ZNF536: variants seen among roughly 807,000 people sequenced by gnomAD.
ZNF536 encodes zinc finger protein 536.
Under a neutral mutation model 84.5 loss-of-function variants are expected in ZNF536, and 13 were observed. The ratio of observed to expected loss-of-function variants is 0.15; its 90% CI spans 0.10 to 0.24. The LOEUF is 0.24. Ranked by LOEUF, ZNF536 falls within the 10% of genes least tolerant of loss-of-function variation. The pLI is 1.00. For synonymous variants in ZNF536, 811 were observed against 742.5 expected (o/e 1.09, Z -1.50); for missense variants, 1,536 against 1,747.5 (o/e 0.88, Z 2.16).
At chr19:30,435,322 G>A (rs891390978) in intron 1 of ZNF536, among the ~76,000 whole-genome samples, 1 of 151,004 alleles carries the variant, frequency 6.6e-6, no homozygotes, top group Non-Finnish European at 1.5e-5. Flanking sequence ...TGGTGATGGT[G>A]GTGATGATGA....
intron 1 of ZNF536, among the ~76,000 whole-genome samples, chr19:30,393,554 G>A (rs1370820707): frequency 1.3e-5 from 2 of 152,200 alleles, no homozygotes; most frequent in Non-Finnish European, 1.5e-5. Flanking sequence ...CTTAAGGAGA[G>A]GTGTCTGGAG....
chr19:30,381,693 C>T (rs894997897), intron 1 of ZNF536, among the ~76,000 whole-genome samples: 1 of 152,142 alleles, frequency 6.6e-6, no homozygotes, highest in Non-Finnish European at 1.5e-5. Flanking sequence ...TTCCAAGGGC[C>T]ATAGGAAGCC....
chr19:30,423,659 T>C (rs1000456246), intron 1 of ZNF536, among the ~76,000 whole-genome samples: 11 of 152,202 alleles, frequency 7.2e-5, no homozygotes, highest in African/African-American at 2.7e-4. Flanking sequence ...TGGAGTGAGA[T>C]AACAGGCTCT....
chr19:30,654,738 T>A (rs1034492426), intron 1 of ZNF536, among the ~76,000 whole-genome samples: 6 of 152,038 alleles, frequency 3.9e-5, no homozygotes, highest in Admixed American at 2.0e-4. Context: ...AGGAACCCAG[T>A]GCCCTGGAAG....
chr19:30,320,910 C>A (rs192983439), intron 2 of ZNF536, among the ~76,000 whole-genome samples: 14 of 152,294 alleles, frequency 9.2e-5, no homozygotes, highest in African/African-American at 3.4e-4. Flanking sequence ...AATCCATTAA[C>A]CCACAGAATA....
intron 1 of ZNF536, among the ~76,000 whole-genome samples, chr19:30,634,400 G>A (rs1027791439): frequency 1.3e-5 from 2 of 152,102 alleles, no homozygotes; most frequent in Non-Finnish European, 2.9e-5. Flanking sequence ...GGAAAGCTCT[G>A]GCTAAGAACT....
chr19:30,678,401 C>G lies in ZNF536; in HGVS notation c.170-32356C>G, dbSNP rs1011639732. ...AGGCTCCAGGAGCCGAGTGCAGAGC[C>G]GATCCAGCCCAGCCTGTGACTCTGG... On this transcript the variant is annotated intron_variant, in intron 1 of 1. Coordinates refer to the ZNF536 transcript ENST00000592773. Among the ~76,000 whole-genome samples the G allele has an allele frequency of 2.0e-5, 3 of 152,248 alleles. No individual in the cohort carries two copies. The Middle Eastern group carries it at 0.01, about 518-fold the overall frequency.
At chr19:30,494,745 A>G (rs897196823) in intron 2 of ZNF536, among the ~76,000 whole-genome samples, 2 of 152,132 alleles carry the variant, frequency 1.3e-5, no homozygotes, top group Admixed American at 1.3e-4. Context: ...CAGGAGTTCA[A>G]GAACAGCCTG....
intron 1 of ZNF536, among the ~76,000 whole-genome samples, chr19:30,694,987 A>G (rs997074896): frequency 6.6e-6 from 1 of 152,236 alleles, no homozygotes; most frequent in Non-Finnish European, 1.5e-5. Context: ...CAGTATGTCA[A>G]GGTGCACCTG....
At chr19:30,436,342 C>T (rs1305921284) in intron 1 of ZNF536, 1 of 200,898 alleles carries the variant, frequency 5.0e-6, no homozygotes, top group Non-Finnish European at 8.9e-6. Context: ...AACAGGTCAC[C>T]CGCGCTGCCC....
At chr19:30,420,501 A>G (rs1015721569) in intron 1 of ZNF536, among the ~76,000 whole-genome samples, 2 of 152,214 alleles carry the variant, frequency 1.3e-5, no homozygotes, top group African/African-American at 4.8e-5. Context: ...TCTTAGCATC[A>G]TCAAAGTCTT....
At chr19:30,260,426 G>C (rs2025147385) in intron 1 of ZNF536, among the ~76,000 whole-genome samples, 1 of 152,228 alleles carries the variant, frequency 6.6e-6, no homozygotes, top group Admixed American at 6.5e-5. Context: ...ACTCATTGCA[G>C]AGCTTCTGCT....
At chr19:30,669,747 T>C (rs2050472848) in intron 1 of ZNF536, among the ~76,000 whole-genome samples, 1 of 152,180 alleles carries the variant, frequency 6.6e-6, no homozygotes, top group African/African-American at 2.4e-5. Flanking sequence ...TCTCTCAGGG[T>C]GTTCGGAGCA....
At chr19:30,402,561 C>T (rs1439706319) in intron 1 of ZNF536, among the ~76,000 whole-genome samples, 2 of 151,842 alleles carry the variant, frequency 1.3e-5, no homozygotes, top group Non-Finnish European at 2.9e-5. Flanking sequence ...TTTGAAACAA[C>T]CTGTTCTACC....
chr19:30,428,394 C>T (rs1308585420), intron 1 of ZNF536, among the ~76,000 whole-genome samples: 1 of 152,228 alleles, frequency 6.6e-6, no homozygotes, highest in Non-Finnish European at 1.5e-5. Context: ...ATAGAGCTGA[C>T]AAGTTGCCCC....
At chr19:30,662,962 C>CTTTTTTTTTTTTTTTTTTTTTTTTTTTTT (rs951081577) in intron 1 of ZNF536, among the ~76,000 whole-genome samples, 8 of 78,732 alleles carry the variant, frequency 1.0e-4, no homozygotes, top group African/African-American at 1.5e-4. Flanking sequence ...TTTTTCGTTT[C>CTTTTTTTTTTTTTTTTTTTTTTTTTTTTT]TTTTTTTTTT....
chr19:30,549,610 C>A, intron 4 of ZNF536, 96 bp downstream of exon 4: 1 of 1,345,390 alleles, frequency 7.4e-7, no homozygotes, highest in East Asian at 2.5e-5. Flanking sequence ...CCATGAGCAA[C>A]TTTTGAATGA....
At chr19:30,448,543 T>A (rs2052457163) in intron 2 of ZNF536, among the ~76,000 whole-genome samples, 1 of 152,244 alleles carries the variant, frequency 6.6e-6, no homozygotes, top group African/African-American at 2.4e-5. Flanking sequence ...TACAAATTTC[T>A]CAGACTGCAT....
intron 1 of ZNF536, among the ~76,000 whole-genome samples, chr19:30,434,417 C>A (rs2051616699): frequency 6.6e-6 from 1 of 152,184 alleles, no homozygotes; most frequent in African/African-American, 2.4e-5. Context: ...ATGGCTGTGG[C>A]TTCCTTCTTT....
Sources: allele counts gnomAD v4.1 joint callset (sites outside exome capture counted in the v4.1 genomes callset), GRCh38; gene constraint gnomAD v4.1.1; transcripts MANE v1.5; gene names NCBI Gene and HGNC (gene_info 2026-07-23, HGNC 2026-07-21).